Variants in EYS observed in about 807,000 individuals in gnomAD.
The protein encoded by EYS is EGF-like photoreceptor maintenance factor, also known as protein eyes shut homolog.
EYS carries 250 observed loss-of-function variants against 282.1 expected under a neutral mutation model. The observed-to-expected ratio is 0.89, with a 90% CI of 0.80 to 0.98. The LOEUF is 0.98. Ranked by LOEUF, EYS falls within the 50% of genes least tolerant of loss-of-function variation. The pLI is 0.00. For missense variants in EYS, 4,016 were observed against 3,709.0 expected (o/e 1.08, Z -2.15); for synonymous variants, 1,355 against 1,282.9 (o/e 1.06, Z -1.20).
intron 12 of EYS, among the ~76,000 whole-genome samples, chr6:65,220,658 G>A (rs1421887983): frequency 6.6e-6 from 1 of 152,128 alleles, no homozygotes; most frequent in African/African-American, 2.4e-5. Flanking sequence ...CCAGTAGAGT[G>A]GGGTGCTGCT....
intron 22 of EYS, among the ~76,000 whole-genome samples, chr6:64,748,430 C>T (rs554412854): frequency 9.9e-4 from 151 of 152,342 alleles, no homozygotes; most frequent in African/African-American, 3.3e-3. Context: ...CAACCTGCAT[C>T]TCTTGCGTGC....
At chr6:65,655,792 T>C (rs923557039) in intron 1 of EYS, among the ~76,000 whole-genome samples, 1 of 151,908 alleles carries the variant, frequency 6.6e-6, no homozygotes. Flanking sequence ...AATAACATGG[T>C]TTCTTGAGAT....
chr6:65,119,770 G>A (rs1775476215), intron 12 of EYS, among the ~76,000 whole-genome samples: 1 of 151,924 alleles, frequency 6.6e-6, no homozygotes, highest in African/African-American at 2.4e-5. Context: ...GGGAGGCTGA[G>A]GTGGGAGAAT....
chr6:64,083,321 A>G lies in EYS; in HGVS notation c.6425-1319T>C, dbSNP rs938560725. On this transcript the variant is annotated intron_variant, in intron 31 of 42. Coordinates refer to ENST00000503581, the MANE Select transcript of EYS (RefSeq NM_001142800.2). ...CTCTAAGTCATACAGTGAGTGAGAA[A>G]CTAATATCCAGTCTAAGAAATTTAG... Among the ~76,000 whole-genome samples the G allele has an allele frequency of 1.3e-5, 2 of 152,202 alleles. 1 individual carries two copies. The highest frequency in any genetic ancestry group is 2.9e-5 in the Non-Finnish European group (2 of 68,044).
intron 13 of EYS, among the ~76,000 whole-genome samples, chr6:65,029,596 G>C (rs1303439963): frequency 6.6e-6 from 1 of 152,068 alleles, no homozygotes; most frequent in Non-Finnish European, 1.5e-5. Flanking sequence ...CCACCCCCAA[G>C]ACAGCAAGAC....
At chr6:63,960,434 A>C (rs1280540010) in intron 35 of EYS, among the ~76,000 whole-genome samples, 1 of 152,206 alleles carries the variant, frequency 6.6e-6, no homozygotes, top group Non-Finnish European at 1.5e-5. Flanking sequence ...AGATGCTATG[A>C]ATATTGTTGA....
chr6:65,609,873 T>C (rs982182956), intron 2 of EYS, among the ~76,000 whole-genome samples: 1 of 152,252 alleles, frequency 6.6e-6, no homozygotes, highest in Admixed American at 6.5e-5. Flanking sequence ...TCTACACTTA[T>C]CTTTTTGAAT....
chr6:64,268,045 T>C, intron 30 of EYS, among the ~76,000 whole-genome samples: 1 of 152,148 alleles, frequency 6.6e-6, no homozygotes, highest in Non-Finnish European at 1.5e-5. Flanking sequence ...CTTGCATATA[T>C]ATTCAAATAT....
At chr6:64,702,193 A>C (rs1770816030) in intron 22 of EYS, among the ~76,000 whole-genome samples, 1 of 152,080 alleles carries the variant, frequency 6.6e-6, no homozygotes, top group Non-Finnish European at 1.5e-5. Flanking sequence ...CTATGAAAGA[A>C]ACACTTCTCT....
chr6:63,829,559 G>A (rs1582251651), intron 36 of EYS, among the ~76,000 whole-genome samples: 1 of 152,250 alleles, frequency 6.6e-6, no homozygotes, highest in African/African-American at 2.4e-5. Context: ...AAACAAAGCA[G>A]CTGGGAAGCT....
chr6:65,180,713 G>A (rs1313791117), intron 12 of EYS, among the ~76,000 whole-genome samples: 1 of 152,036 alleles, frequency 6.6e-6, no homozygotes, highest in African/African-American at 2.4e-5. Flanking sequence ...CTGCTTTAAA[G>A]TTCATATGGA....
intron 28 of EYS, among the ~76,000 whole-genome samples, chr6:64,400,057 G>T (rs1011754381): frequency 6.6e-6 from 1 of 151,812 alleles, no homozygotes; most frequent in African/African-American, 2.4e-5. Context: ...TAAATGAACA[G>T]AAGAAAAAGG....
intron 26 of EYS, among the ~76,000 whole-genome samples, chr6:64,513,180 A>T (rs1777461503): frequency 1.3e-5 from 2 of 151,926 alleles, no homozygotes; most frequent in South Asian, 4.1e-4. Context: ...AGCTAGGTAG[A>T]CATTTTCATA....
chr6:65,004,354 TA>T (rs1393522874), intron 13 of EYS, among the ~76,000 whole-genome samples: 1 of 147,496 alleles, frequency 6.8e-6, no homozygotes, highest in Admixed American at 6.8e-5. Context: ...CAAGCCAGGC[TA>T]AAGTCAGTAA....
At chr6:65,649,137 CAAAAAAAAA>C in intron 1 of EYS, among the ~76,000 whole-genome samples, 1 of 72,684 alleles carries the variant, frequency 1.4e-5, no homozygotes, top group Non-Finnish European at 2.4e-5. Context: ...GACTCTGTCT[CAAAAAAAAA>C]AAAAAAAAAA....
At chr6:64,372,075 T>A (rs1772391629) in intron 29 of EYS, among the ~76,000 whole-genome samples, 1 of 151,988 alleles carries the variant, frequency 6.6e-6, no homozygotes, top group Non-Finnish European at 1.5e-5. Flanking sequence ...TAGCTGGTTA[T>A]TATGCAGACT....
intron 19 of EYS, among the ~76,000 whole-genome samples, chr6:64,872,603 T>A (rs1766628392): frequency 6.6e-6 from 1 of 152,004 alleles, no homozygotes; most frequent in African/African-American, 2.4e-5. Flanking sequence ...GACTCCCCTG[T>A]GTTTAGAGAT....
In EYS at chr6:64,652,935, T is replaced by C. The variant is rs78723420; in HGVS notation, c.3444-26690A>G. Among the ~76,000 whole-genome samples the C allele has an allele frequency of 3.8e-3, 582 of 152,320 alleles. 2 individuals carry two copies. Among genetic ancestry groups the C allele is most frequent in the South Asian group, 0.011 (54 of 4,824 alleles). On this transcript the variant is annotated intron_variant, in intron 22 of 42. Transcript: ENST00000503581. ...TACATACATTCGCACAGTTTTGCAT[T>C]GCATATTATTCATTAGGGGTTGAAT...
intron 12 of EYS, among the ~76,000 whole-genome samples, chr6:65,192,886 T>C (rs147065644): frequency 0.018 from 2,799 of 152,012 alleles, 40 homozygotes; most frequent in Non-Finnish European, 0.025. Context: ...AGGATGTCCA[T>C]CACCTTATGT....
Sources: allele counts gnomAD v4.1 joint callset (sites outside exome capture counted in the v4.1 genomes callset), GRCh38; gene constraint gnomAD v4.1.1; transcripts MANE v1.5; gene names NCBI Gene and HGNC (gene_info 2026-07-23, HGNC 2026-07-21).